DPY19L2: variants seen among roughly 807,000 people sequenced by gnomAD.
The protein encoded by DPY19L2 is dpy-19 like 2.
Under a neutral mutation model 97.9 loss-of-function variants are expected in DPY19L2, and 34 were observed. That is an observed-to-expected ratio of 0.35 (90% confidence interval 0.26 to 0.46). The LOEUF (loss-of-function observed/expected upper bound fraction) is 0.46, where lower values mean the gene tolerates loss of function less well. Ranked by LOEUF, DPY19L2 falls within the 20% of genes least tolerant of loss-of-function variation. The pLI, the probability that DPY19L2 is intolerant of heterozygous loss-of-function variation, is 1.00. For synonymous variants in DPY19L2, 230 were observed against 307.9 expected, an observed-to-expected ratio of 0.75 and a Z score of 2.65; for missense variants, 623 against 911.4, an observed-to-expected ratio of 0.68 and a Z score of 4.07.
intron 4 of DPY19L2, chr12:63,651,836 C>T (rs1318450123): frequency 1.2e-5 from 4 of 321,818 alleles, no homozygotes; most frequent in Admixed American, 3.3e-5. Context: ...CTGTCAGCAG[C>T]GATGGGTAGT....
intron 19 of DPY19L2, among the ~76,000 whole-genome samples, chr12:63,573,403 G>A (rs571400335): frequency 3.3e-5 from 5 of 151,422 alleles, no homozygotes; most frequent in African/African-American, 1.2e-4. Flanking sequence ...ACACAGAGGA[G>A]GTGAAAAAAG....
intron 12 of DPY19L2, among the ~76,000 whole-genome samples, chr12:63,607,664 C>T (rs1228373944): frequency 6.6e-6 from 1 of 152,100 alleles, no homozygotes; most frequent in Non-Finnish European, 1.5e-5. Context: ...AGATACAGTT[C>T]ATTTCTTCTG....
At chr12:63,652,174 A>T (rs538822438) in intron 4 of DPY19L2, among the ~76,000 whole-genome samples, 1 of 152,336 alleles carries the variant, frequency 6.6e-6, no homozygotes, top group Admixed American at 6.5e-5. Context: ...GCCATCAATC[A>T]TATGAAAAAG....
In DPY19L2 at chr12:63,626,490, G is replaced by A; in HGVS notation, c.840C>T (p.Cys280=). 6.4e-7 allele frequency: 1 copy of A among 1,553,396 alleles called. No individual in the cohort carries two copies. The highest frequency in any genetic ancestry group is 8.6e-7 in the Non-Finnish European group (1 of 1,158,840). Residue 280 remains cysteine (C), a synonymous_variant, in exon 7 of 22, where the codon TGC becomes TGT. Coordinates refer to ENST00000324472, the MANE Select transcript of DPY19L2 (RefSeq NM_173812.5). ...TQLGGLITVL[C]FFFNHGEATR... ...AAACCTCTCCATGGTTGAAAAAGAAGCACAGTACTGTAATAAGACCTCCCA... is the reference window on the plus strand; with the variant it reads ...AAACCTCTCCATGGTTGAAAAAGAAACACAGTACTGTAATAAGACCTCCCA...
intron 6 of DPY19L2, among the ~76,000 whole-genome samples, chr12:63,643,638 G>T (rs954550736): frequency 2.0e-5 from 3 of 152,096 alleles, no homozygotes; most frequent in African/African-American, 7.2e-5. Context: ...TGTTGGCATT[G>T]GTTCAGCAGC....
chr12:63,587,697 C>T (rs1280641742), intron 16 of DPY19L2, among the ~76,000 whole-genome samples: 4 of 151,748 alleles, frequency 2.6e-5, no homozygotes, highest in Admixed American at 6.6e-5. Context: ...CTCAGCCTCC[C>T]GAGTAGCTGC....
At chr12:63,602,828 G>T (rs11175066) in intron 12 of DPY19L2, among the ~76,000 whole-genome samples, 1 of 151,936 alleles carries the variant, frequency 6.6e-6, no homozygotes, top group Non-Finnish European at 1.5e-5. Context: ...GTTATTTAAA[G>T]AAGTTGAAAA....
At chr12:63,613,966 G>T (rs1887434720) in intron 11 of DPY19L2, among the ~76,000 whole-genome samples, 2 of 151,874 alleles carry the variant, frequency 1.3e-5, no homozygotes, top group African/African-American at 4.8e-5. Context: ...GAGGCAGGCA[G>T]ATCACCTGAG....
chr12:63,625,958 T>C (rs1012780502), intron 7 of DPY19L2, among the ~76,000 whole-genome samples: 3 of 147,678 alleles, frequency 2.0e-5, no homozygotes, highest in Non-Finnish European at 3.0e-5. Flanking sequence ...AATATATAAG[T>C]TTTTATAAAA....
At chr12:63,657,326 G>T (rs1895097441) in intron 4 of DPY19L2, among the ~76,000 whole-genome samples, 1 of 152,022 alleles carries the variant, frequency 6.6e-6, no homozygotes. Context: ...CTTGGTTTTG[G>T]GTTTTCCTTT....
intron 4 of DPY19L2, among the ~76,000 whole-genome samples, chr12:63,656,425 T>C (rs535882518): frequency 6.6e-6 from 1 of 152,332 alleles, no homozygotes; most frequent in East Asian, 1.9e-4. Context: ...ATAAGTATTT[T>C]AGGCTTTGTG....
At chr12:63,614,321 A>T (rs552623868) in intron 11 of DPY19L2, among the ~76,000 whole-genome samples, 1 of 152,302 alleles carries the variant, frequency 6.6e-6, no homozygotes, top group Admixed American at 6.5e-5. Flanking sequence ...AATTGAAGGA[A>T]TTCTCTTGTA....
At chr12:63,638,122 A>C (rs1293687626) in intron 6 of DPY19L2, among the ~76,000 whole-genome samples, 6 of 152,142 alleles carry the variant, frequency 3.9e-5, no homozygotes, top group Non-Finnish European at 7.4e-5. Context: ...TGATTATCTC[A>C]ATAGATGCAG....
chr12:63,577,097 G>A (rs1879990415), intron 19 of DPY19L2, among the ~76,000 whole-genome samples: 1 of 151,880 alleles, frequency 6.6e-6, no homozygotes, highest in Non-Finnish European at 1.5e-5. Flanking sequence ...ACACAGACCA[G>A]TGGAACAGAA....
intron 21 of DPY19L2, among the ~76,000 whole-genome samples, chr12:63,563,614 T>G (rs184964439): frequency 6.7e-4 from 102 of 152,360 alleles, no homozygotes; most frequent in African/African-American, 2.3e-3. Context: ...TAAACTCCAC[T>G]TGTACATTAT....
At chr12:63,564,912 G>A (rs1343450096) in intron 21 of DPY19L2, among the ~76,000 whole-genome samples, 1 of 152,062 alleles carries the variant, frequency 6.6e-6, no homozygotes, top group Non-Finnish European at 1.5e-5. Flanking sequence ...TGTTATCTAA[G>A]TGCATAAATG....
At chr12:63,607,830 G>T (rs2137642949) in intron 12 of DPY19L2, among the ~76,000 whole-genome samples, 1 of 151,886 alleles carries the variant, frequency 6.6e-6, no homozygotes, top group African/African-American at 2.4e-5. Context: ...ATGGGGTTTT[G>T]CCGTGTTGCC....
At chr12:63,640,526 G>T (rs1249467338) in intron 6 of DPY19L2, among the ~76,000 whole-genome samples, 1 of 152,138 alleles carries the variant, frequency 6.6e-6, no homozygotes, top group Non-Finnish European at 1.5e-5. Context: ...TACCTTCCCA[G>T]TTAGTGTCAG....
intron 16 of DPY19L2, among the ~76,000 whole-genome samples, chr12:63,589,377 A>AAAAAAAAAAAAAAAAAG (rs1882460353): frequency 7.2e-6 from 1 of 139,568 alleles, no homozygotes; most frequent in Admixed American, 7.3e-5. Context: ...AAAAAAAAAA[A>AAAAAAAAAAAAAAAAAG]AAAAAAAAAA....
Sources: gnomAD v4.1 joint callset for allele counts (sites outside exome capture counted in the v4.1 genomes callset) on GRCh38, gnomAD v4.1.1 for gene constraint, MANE v1.5 for transcripts, NCBI Gene and HGNC (gene_info 2026-07-23, HGNC 2026-07-21) for gene names.